Variants in TAAR1 observed in about 807,000 individuals in gnomAD.
TAAR1 encodes trace amine associated receptor 1.
TAAR1 carries 1 observed loss-of-function variant against 1.2 expected under a neutral mutation model. The observed-to-expected ratio is 0.81, with a 90% CI of 0.29 to 3.86. The LOEUF (loss-of-function observed/expected upper bound fraction) is 3.86. Among genes scored for constraint, TAAR1 ranks in the 30% most tolerant of loss-of-function variants. The pLI is 0.18. For missense variants in TAAR1, 445 were observed against 405.6 expected (o/e 1.10, Z -0.83); for synonymous variants, 153 against 132.2 (o/e 1.16, Z -1.08).
In TAAR1 at chr6:132,645,202, A is replaced by G; in HGVS notation, c.802T>C (p.Phe268Leu). 5 of 1,613,464 alleles carry G rather than the reference A, an allele frequency of 3.1e-6. No individual in the cohort carries two copies. The highest frequency in any genetic ancestry group is 4.2e-6 in the Non-Finnish European group (5 of 1,179,694). The change falls in exon 2 of 2, where the codon TTT becomes CTT. Residue 268 changes from phenylalanine (F) to leucine (L), a missense_variant. By Grantham distance (22) the Phe-to-Leu change is conservative (BLOSUM62 0). Transcript: ENST00000275216. Reference protein sequence around the residue: ...GVFLICWCPFFICTVMDPFLH... With the variant: ...GVFLICWCPFLICTVMDPFLH... ...AAAGGGTCCATGACTGTACAGATAA[A>G]GAAAGGGCACCAGCATATTAGGAAA... is the stretch of plus-strand genomic sequence containing the variant.
In TAAR1 at chr6:132,645,224, G is replaced by GA; in HGVS notation, c.779dup (p.Leu261ProfsTer27). 6.2e-7 allele frequency: 1 copy of GA among 1,613,638 alleles called. No individual in the cohort carries two copies. The highest frequency in any genetic ancestry group is 8.5e-7 in the Non-Finnish European group (1 of 1,179,760). On this transcript the variant is annotated frameshift_variant, in exon 2 of 2. Transcript: ENST00000275216. LOFTEE classifies it high-confidence loss of function. ...TAAAGAAAGGGCACCAGCATATTAGGAAAACTCCCATCACAATCCCCAATG... is the reference window on the plus strand; with the variant it reads ...TAAAGAAAGGGCACCAGCATATTAGGAAAAACTCCCATCACAATCCCCAATG...
chr6:132,651,485 C>G (rs1044891552), intron 1 of TAAR1, among the ~76,000 whole-genome samples: 3 of 152,282 alleles, frequency 2.0e-5, no homozygotes, highest in African/African-American at 7.2e-5. Flanking sequence ...CATGACAACT[C>G]TATTCTTGAA....
intron 1 of TAAR1, among the ~76,000 whole-genome samples, chr6:132,648,277 A>G (rs1156683032): frequency 6.6e-6 from 1 of 152,098 alleles, no homozygotes; most frequent in Non-Finnish European, 1.5e-5. Flanking sequence ...ACTCAAAATC[A>G]CTGTTCAGAA....
chr6:132,651,872 A>C (rs1777753387), intron 1 of TAAR1, among the ~76,000 whole-genome samples: 1 of 152,204 alleles, frequency 6.6e-6, no homozygotes, highest in African/African-American at 2.4e-5. Context: ...ATTGTCAGCC[A>C]TGCGCCCCTA....
At chr6:132,654,270 G>C (rs547004391) in intron 1 of TAAR1, among the ~76,000 whole-genome samples, 1 of 152,336 alleles carries the variant, frequency 6.6e-6, no homozygotes, top group Non-Finnish European at 1.5e-5. Context: ...TTCTATCCTG[G>C]ATGAGAGTGC....
intron 1 of TAAR1, among the ~76,000 whole-genome samples, chr6:132,657,299 G>A (rs980321961): frequency 6.6e-6 from 1 of 151,894 alleles, no homozygotes; most frequent in Non-Finnish European, 1.5e-5. Flanking sequence ...CACATTGTTT[G>A]AATCAGCTCC....
chr6:132,657,468 A>G (rs960546022), intron 1 of TAAR1, among the ~76,000 whole-genome samples: 1 of 152,010 alleles, frequency 6.6e-6, no homozygotes, highest in Admixed American at 6.6e-5. Flanking sequence ...CTATATAGAG[A>G]CAGAAAGTTG....
chr6:132,647,455 A>G (rs771048138), intron 1 of TAAR1, among the ~76,000 whole-genome samples: 18 of 150,362 alleles, frequency 1.2e-4, no homozygotes, highest in Non-Finnish European at 2.2e-4. Context: ...AGAGAGAGAG[A>G]AAGGAAGAAA....
intron 1 of TAAR1, among the ~76,000 whole-genome samples, chr6:132,649,232 C>T (rs1777720584): frequency 6.6e-6 from 1 of 152,146 alleles, no homozygotes; most frequent in Non-Finnish European, 1.5e-5. Context: ...ATTCCATTTC[C>T]TAAAATTCTT....
At chr6:132,655,425 C>CCTGGAGTG (rs1489930692) in intron 1 of TAAR1, among the ~76,000 whole-genome samples, 2 of 146,596 alleles carry the variant, frequency 1.4e-5, no homozygotes, top group Non-Finnish European at 3.0e-5. Context: ...TGTCACCTAG[C>CCTGGAGTG]CTGGAGTGCA....
intron 1 of TAAR1, among the ~76,000 whole-genome samples, chr6:132,650,160 C>T (rs1777734776): frequency 6.6e-6 from 1 of 152,206 alleles, no homozygotes; most frequent in African/African-American, 2.4e-5. Context: ...CCTCCCAGCC[C>T]ATGTGCTTCC....
At position 132,644,645 on chromosome 6, in the gene TAAR1, A is replaced by G. The variant is rs1777639141; in HGVS notation, c.*339T>C. On this transcript the variant is annotated 3_prime_UTR_variant, in exon 2 of 2. Transcript: ENST00000275216. ...CAAAATCATTCTGATTTGCATCCTC[A>G]AATTCAGCCCTATAGTTTCCACCAC... is the stretch of plus-strand genomic sequence containing the variant. Among the ~76,000 whole-genome samples the G allele has an allele frequency of 6.6e-6, 1 of 152,060 alleles. No homozygotes were observed.
intron 1 of TAAR1, among the ~76,000 whole-genome samples, chr6:132,649,080 G>A (rs978655449): frequency 2.0e-5 from 3 of 152,016 alleles, no homozygotes; most frequent in East Asian, 1.9e-4. Flanking sequence ...GCTTTGTCCC[G>A]GATTCCATTA....
At chr6:132,657,207 C>T (rs556816010) in intron 1 of TAAR1, among the ~76,000 whole-genome samples, 2 of 152,226 alleles carry the variant, frequency 1.3e-5, no homozygotes, top group Admixed American at 1.3e-4. Context: ...AGTTAAACTT[C>T]TTGACTGGAT....
intron 1 of TAAR1, among the ~76,000 whole-genome samples, chr6:132,647,885 GC>G (rs1777704678): frequency 6.6e-6 from 1 of 151,944 alleles, no homozygotes. Flanking sequence ...TGAGAGAAAT[GC>G]AATATCTAGG....
chr6:132,657,833 C>T (rs1250530855), intron 1 of TAAR1, among the ~76,000 whole-genome samples: 1 of 152,020 alleles, frequency 6.6e-6, no homozygotes, highest in Non-Finnish European at 1.5e-5. Context: ...ATCTCTATGA[C>T]ATATTCTAAG....
intron 1 of TAAR1, among the ~76,000 whole-genome samples, chr6:132,646,633 A>C (rs1378653885): frequency 6.6e-6 from 1 of 151,614 alleles, no homozygotes; most frequent in Non-Finnish European, 1.5e-5. Context: ...AATTGTAATA[A>C]GAAGAAGCTT....
chr6:132,649,393 C>T lies in TAAR1; in HGVS notation c.-126-3264G>A, dbSNP rs1343106364. Among the ~76,000 whole-genome samples the T allele has an allele frequency of 2.0e-5, 3 of 152,108 alleles. No individual in the cohort carries two copies. In the South Asian group the frequency reaches 6.2e-4, roughly 32 times the overall value. On this transcript the variant is annotated intron_variant, in intron 1 of 1. Coordinates refer to ENST00000275216, the MANE Select transcript of TAAR1 (RefSeq NM_138327.4). Reference sequence around the variant, plus strand: ...TATGATCTGGAGAAAGAGTAAGTGTCCACTTACACTCATTGCCATTGAAGA... The same window carrying T: ...TATGATCTGGAGAAAGAGTAAGTGTTCACTTACACTCATTGCCATTGAAGA...
At chr6:132,659,064 TA>T (rs1777841094) in intron 1 of TAAR1, among the ~76,000 whole-genome samples, 65 bp downstream of exon 1, 1 of 105,830 alleles carries the variant, frequency 9.4e-6, no homozygotes, top group Non-Finnish European at 1.8e-5. Flanking sequence ...TCCTGTAAAA[TA>T]CTACTTTAGG....
Sources: allele counts gnomAD v4.1 joint callset (sites outside exome capture counted in the v4.1 genomes callset), GRCh38; gene constraint gnomAD v4.1.1; transcripts MANE v1.5; gene names NCBI Gene and HGNC (gene_info 2026-07-23, HGNC 2026-07-21).